Variants in DDX10 observed in about 807,000 individuals in gnomAD.
DDX10 encodes the protein probable ATP-dependent RNA helicase DDX10.
DDX10 carries 74 observed loss-of-function variants against 104.3 expected under a neutral mutation model. The ratio of observed to expected loss-of-function variants is 0.71; its 90% CI spans 0.59 to 0.86. The LOEUF (loss-of-function observed/expected upper bound fraction) is 0.86. DDX10 is among the 40% of genes least tolerant of loss of function. DDX10 has a pLI of 0.00. For synonymous variants in DDX10, 351 were observed against 353.4 expected (o/e 0.99, Z 0.08); for missense variants, 952 against 1,040.0 (o/e 0.92, Z 1.16).
Position 108,855,986 on chromosome 11 carries a change from G to A in DDX10, c.2304+3777G>A, listed in dbSNP as rs565745002. ...CATTTTCACTTGTTTTTATTTTTTGGTTTGTACTGTGTTTTTATTTATACT... is the reference window on the plus strand; with the variant it reads ...CATTTTCACTTGTTTTTATTTTTTGATTTGTACTGTGTTTTTATTTATACT... On this transcript the variant is annotated intron_variant, in intron 16 of 17. Transcript: ENST00000322536. Among the ~76,000 whole-genome samples the A allele has an allele frequency of 2.0e-5, 3 of 152,176 alleles. No homozygotes were observed. The South Asian group carries it at 6.2e-4, about 32-fold the overall frequency.
intron 6 of DDX10, among the ~76,000 whole-genome samples, chr11:108,688,478 C>T (rs1323268310): frequency 6.6e-5 from 10 of 152,154 alleles, no homozygotes; most frequent in African/African-American, 1.4e-4. Context: ...CTTCAGCACA[C>T]GTATTACTGA....
intron 16 of DDX10, among the ~76,000 whole-genome samples, chr11:108,910,728 C>CGTGTGTGTGTGT (rs56191738): frequency 1.6e-5 from 2 of 127,670 alleles, no homozygotes; most frequent in African/African-American, 5.8e-5. Flanking sequence ...AGCGTGCATG[C>CGTGTGTGTGTGT]GTGTGTGTGT....
At chr11:108,781,966 C>A (rs186399988) in intron 13 of DDX10, among the ~76,000 whole-genome samples, 1 of 152,186 alleles carries the variant, frequency 6.6e-6, no homozygotes, top group East Asian at 1.9e-4. Flanking sequence ...AGAGATTCTT[C>A]TGGGATACTC....
At chr11:108,678,821 A>G (rs2094230018) in intron 5 of DDX10, among the ~76,000 whole-genome samples, 1 of 149,208 alleles carries the variant, frequency 6.7e-6, no homozygotes, top group Non-Finnish European at 1.5e-5. Flanking sequence ...GATTTGTAGG[A>G]AAGTTGCAGT....
intron 3 of DDX10, among the ~76,000 whole-genome samples, chr11:108,676,032 C>G (rs1315124547): frequency 6.6e-6 from 1 of 152,156 alleles, no homozygotes; most frequent in Non-Finnish European, 1.5e-5. Context: ...TAAAGTGGTT[C>G]TGTGCTGCAG....
At chr11:108,927,311 A>G (rs1591129213) in intron 17 of DDX10, among the ~76,000 whole-genome samples, 1 of 152,212 alleles carries the variant, frequency 6.6e-6, no homozygotes, top group South Asian at 2.1e-4. Flanking sequence ...ACACATACAA[A>G]CTTGCACACC....
intron 13 of DDX10, among the ~76,000 whole-genome samples, chr11:108,772,181 C>T (rs750951292): frequency 1.4e-4 from 21 of 152,270 alleles, no homozygotes; most frequent in Middle Eastern, 3.4e-3. Flanking sequence ...AAAGACTAGT[C>T]GTGAGATGAA....
chr11:108,930,793 G>A (rs1343089565), intron 17 of DDX10, among the ~76,000 whole-genome samples: 1 of 152,096 alleles, frequency 6.6e-6, no homozygotes, highest in Non-Finnish European at 1.5e-5. Context: ...TTATATGCTG[G>A]ATTAAGTACT....
At chr11:108,918,546 T>A (rs1485263687) in intron 17 of DDX10, 1 of 152,452 alleles carries the variant, frequency 6.6e-6, no homozygotes, top group African/African-American at 2.4e-5. Flanking sequence ...CCCAACACTT[T>A]GGGAGGCTGA....
In DDX10 at chr11:108,691,996, G is replaced by A; in HGVS notation, c.1096G>A (p.Ala366Thr). The change falls in exon 8 of 18, where the codon GCT (alanine) becomes ACT (threonine). Residue 366 changes from alanine to threonine, a missense_variant. Physicochemically the swap from Ala to Thr is moderately conservative, Grantham distance 58. Coordinates refer to ENST00000322536, the MANE Select transcript of DDX10 (RefSeq NM_004398.4). ...CTATAATGAGTTTGTCCGTAAGAGA[G>A]CTGCAGTACTCTTTGCTACTGATAT... is the stretch of plus-strand genomic sequence containing the variant. ...EVYNEFVRKR[A>T]AVLFATDIAA... 1 of 1,613,768 alleles carries A rather than the reference G, an allele frequency of 6.2e-7. No individual in the cohort carries two copies. Among genetic ancestry groups the A allele is most frequent in the Non-Finnish European group, 8.5e-7 (1 of 1,179,842 alleles).
chr11:108,829,669 C>T (rs931132774), intron 13 of DDX10, among the ~76,000 whole-genome samples: 2 of 152,160 alleles, frequency 1.3e-5, no homozygotes, highest in African/African-American at 4.8e-5. Context: ...TAAGCCAAGT[C>T]TAGAAGGGTT....
rs567659538 is a variant in DDX10, at chr11:108,940,824, C to T, written c.*401C>T. The T allele has an allele frequency of 9.9e-5, 22 of 222,204 alleles. No homozygotes were observed. Among genetic ancestry groups the T allele is most frequent in the Non-Finnish European group, 1.8e-4 (20 of 111,544 alleles). 13.8% of individuals were successfully genotyped at this position (222,204 alleles called of 1,614,324 possible). ...CTGTTAAAATTGCTCATGATTTCGA[C>T]GTATTTAATATTTTCAAAGAGACTA... On this transcript the variant is annotated 3_prime_UTR_variant, in exon 18 of 18. Transcript: ENST00000322536.
chr11:108,884,888 A>G (rs994262763), intron 16 of DDX10, among the ~76,000 whole-genome samples: 2 of 152,142 alleles, frequency 1.3e-5, no homozygotes, highest in Admixed American at 6.5e-5. Flanking sequence ...CTCAACTTCT[A>G]CACACGAATG....
chr11:108,905,319 G>GGC (rs1863580176), intron 16 of DDX10, among the ~76,000 whole-genome samples: 6 of 148,382 alleles, frequency 4.0e-5, no homozygotes, highest in South Asian at 4.5e-4. Context: ...TTAAGGGGGG[G>GGC]GGGGGTTGAA....
At chr11:108,842,706 C>A (rs1862657707) in intron 15 of DDX10, among the ~76,000 whole-genome samples, 2 of 152,188 alleles carry the variant, frequency 1.3e-5, no homozygotes, top group Non-Finnish European at 2.9e-5. Flanking sequence ...TCTTGCATTG[C>A]TGCTCTTAGT....
intron 17 of DDX10, 115 bp downstream of exon 17, chr11:108,918,133 T>A (rs1329578832): frequency 7.7e-6 from 8 of 1,038,686 alleles, no homozygotes; most frequent in Non-Finnish European, 1.2e-5. Flanking sequence ...TTGCTTTTTT[T>A]TGATACCTTT....
intron 13 of DDX10, among the ~76,000 whole-genome samples, chr11:108,763,672 C>G (rs376589778): frequency 6.6e-6 from 1 of 152,070 alleles, no homozygotes; most frequent in South Asian, 2.1e-4. Context: ...GAAAAGTGGA[C>G]TTTCTTAATT....
At chr11:108,684,176 C>CTTT (rs55949043) in intron 6 of DDX10, among the ~76,000 whole-genome samples, 1,847 of 26,614 alleles carry the variant, frequency 0.069, 103 homozygotes, top group East Asian at 0.19. Flanking sequence ...TATAGATTTT[C>CTTT]TTTTTTTTTT....
intron 13 of DDX10, among the ~76,000 whole-genome samples, chr11:108,736,648 T>C (rs1285667500): frequency 1.3e-5 from 2 of 152,154 alleles, no homozygotes; most frequent in African/African-American, 2.4e-5. Context: ...AGGCTTCTTG[T>C]AGTGTTCTTC....
Sources: gnomAD v4.1 joint callset for allele counts (sites outside exome capture counted in the v4.1 genomes callset) on GRCh38, gnomAD v4.1.1 for gene constraint, MANE v1.5 for transcripts, NCBI Gene and HGNC (gene_info 2026-07-23, HGNC 2026-07-21) for gene names.